Variants in GFM1 observed in about 807,000 individuals in gnomAD.
GFM1 encodes G elongation factor mitochondrial 1.
A neutral mutation model predicts 96.2 loss-of-function variants in GFM1; 62 were observed. The observed-to-expected ratio is 0.64, with a 90% CI of 0.53 to 0.80. GFM1 has a LOEUF of 0.80. GFM1 is among the 30% of genes least tolerant of loss of function. The pLI, the probability that GFM1 is intolerant of heterozygous loss-of-function variation, is 0.00. For missense variants in GFM1, 852 were observed against 916.6 expected (o/e 0.93, Z 0.91); for synonymous variants, 282 against 312.9 (o/e 0.90, Z 1.04).
chr3:158,655,866 G>A (rs772617115), intron 8 of GFM1: 34 of 457,182 alleles, frequency 7.4e-5, no homozygotes, highest in Non-Finnish European at 1.8e-5. Flanking sequence ...CCCATCCAGA[G>A]GACCACGTTA....
In GFM1 at chr3:158,646,853, C is replaced by A; in HGVS notation, c.478C>A (p.Arg160Ser). The A allele has an allele frequency of 6.2e-7, 1 of 1,614,006 alleles. No individual in the cohort carries two copies. The highest frequency in any genetic ancestry group is 8.5e-7 in the Non-Finnish European group (1 of 1,179,956). The change falls in exon 4 of 18, where the codon CGT becomes AGT. Residue 160 changes from arginine (R) to serine (S), a missense_variant. Arg to Ser is a moderately radical substitution (Grantham distance 110, BLOSUM62 -1). Coordinates refer to ENST00000486715, the MANE Select transcript of GFM1 (RefSeq NM_024996.7). ...GVQCQTMTVN[R>S]QMKRYNVPFL... ...ACAGTGCCAGACCATGACTGTCAAT[C>A]GTCAGATGAAGCGCTACAACGTTCC...
chr3:158,665,830 A>C (rs1471188696), intron 12 of GFM1, among the ~76,000 whole-genome samples: 1 of 152,148 alleles, frequency 6.6e-6, no homozygotes, highest in Non-Finnish European at 1.5e-5. Context: ...ATTTCTTCTC[A>C]AGTCATTACT....
intron 4 of GFM1, 91 bp downstream of exon 4, chr3:158,647,038 T>G: frequency 9.9e-7 from 1 of 1,011,816 alleles, no homozygotes; most frequent in Non-Finnish European, 1.5e-6. Flanking sequence ...GTCATTAAAC[T>G]TTATTCTTAA....
intron 5 of GFM1, chr3:158,649,777 C>T: frequency 2.0e-6 from 1 of 505,684 alleles, no homozygotes; most frequent in South Asian, 3.2e-5. Context: ...CATAACAATC[C>T]CCTGGAGACT....
At position 158,694,843 on chromosome 3, in the gene GFM1, A is replaced by G. The variant is rs1019193573; in HGVS notation, c.*3376A>G. ...AATAAAATAAAATGGAATGTAGACAAAATCCCTGGTATTATTTTATATGTC... is the reference window on the plus strand; with the variant it reads ...AATAAAATAAAATGGAATGTAGACAGAATCCCTGGTATTATTTTATATGTC... On this transcript the variant is annotated 3_prime_UTR_variant, in exon 18 of 18. Coordinates refer to ENST00000486715, the MANE Select transcript of GFM1 (RefSeq NM_024996.7). Among the ~76,000 whole-genome samples the G allele has an allele frequency of 4.6e-5, 7 of 152,110 alleles. No homozygotes were observed. The highest frequency in any genetic ancestry group is 1.5e-4 in the African/African-American group (6 of 41,320).
intron 13 of GFM1, chr3:158,669,752 T>A: frequency 1.3e-6 from 1 of 742,070 alleles, no homozygotes; most frequent in Non-Finnish European, 2.2e-6. Context: ...CAGAGGTATC[T>A]AATTGGGCCT....
intron 10 of GFM1, 78 bp from the exon 11 acceptor site, chr3:158,662,550 C>A (rs1220951650): frequency 7.4e-6 from 6 of 814,986 alleles, no homozygotes; most frequent in Non-Finnish European, 1.3e-5. Flanking sequence ...TGTAAAGTGG[C>A]ACATTAAAAT....
At chr3:158,664,558 C>A (rs933237860) in intron 11 of GFM1, among the ~76,000 whole-genome samples, 8 of 152,154 alleles carry the variant, frequency 5.3e-5, no homozygotes, top group Non-Finnish European at 1.0e-4. Flanking sequence ...CTGGTTAAGT[C>A]CCTTTCTTGC....
chr3:158,648,893 C>T (rs1006393668), intron 4 of GFM1, 148 bp from the exon 5 acceptor site: 27 of 599,388 alleles, frequency 4.5e-5, no homozygotes, highest in Non-Finnish European at 6.7e-5. Flanking sequence ...CTGTTCCCAG[C>T]TGCTTTATAT....
rs1726412672 is a variant in GFM1 at position 158,692,783 on chromosome 3, C to T, written c.*1316C>T. 6.6e-6 allele frequency among the ~76,000 whole-genome samples: 1 copy of T among 151,826 alleles called. No homozygotes were observed. On this transcript the variant is annotated 3_prime_UTR_variant, in exon 18 of 18. Transcript: ENST00000486715. ...CTCTGCTCACTACAACCTCTGCTTC[C>T]TGGGTTCAAGCAATTATCCCATCTC...
Position 158,646,230 on chromosome 3 carries a change from C to G in GFM1, c.300C>G (p.Ile100Met), listed in dbSNP as rs1399036958. The G allele has an allele frequency of 6.2e-7, 1 of 1,613,668 alleles. No homozygotes were observed. Among genetic ancestry groups the G allele is most frequent in the Non-Finnish European group, 8.5e-7 (1 of 1,179,560 alleles). The stretch of plus-strand genomic sequence containing the variant: ...TGGAACTAGAGAGACAAAGAGGAAT[C>G]ACTATTCAGTCAGCAGCCACTTACA... The part of the protein sequence containing the change: ...DSMELERQRG[I>M]TIQSAATYTM... The change falls in exon 3 of 18, where the codon ATC becomes ATG. Residue 100 changes from isoleucine to methionine, a missense_variant. Ile to Met is a conservative substitution (Grantham distance 10). Coordinates refer to ENST00000486715, the MANE Select transcript of GFM1 (RefSeq NM_024996.7).
rs911565298 is a variant in GFM1, at chr3:158,647,376, C to T, written c.572+429C>T. ...GAGATGAGATTTTCTTGTTTTCAGACGGAAACATATTTTCTAGGACAACAG... is the reference window on the plus strand; with the variant it reads ...GAGATGAGATTTTCTTGTTTTCAGATGGAAACATATTTTCTAGGACAACAG... On this transcript the variant is annotated intron_variant, in intron 4 of 17. Coordinates refer to ENST00000486715, the MANE Select transcript of GFM1 (RefSeq NM_024996.7). 3.9e-4 allele frequency among the ~76,000 whole-genome samples: 60 copies of T among 152,142 alleles called. 1 individual carries two copies. Among genetic ancestry groups the T allele is most frequent in the African/African-American group, 8.0e-4 (33 of 41,418 alleles).
intron 8 of GFM1, chr3:158,656,135 G>T: frequency 6.1e-6 from 1 of 165,186 alleles, no homozygotes. Flanking sequence ...ATTTATCATT[G>T]TTTTTGTTTT....
rs1723300249 is a variant in GFM1 at position 158,662,798 on chromosome 3, T to C, written c.1380+114T>C. Reference sequence around the variant, plus strand: ...TAACCAGCAGTCTTATGGTCTCTATTTCCTCTGTTGGTATTGAGATCTTCT... The same window carrying C: ...TAACCAGCAGTCTTATGGTCTCTATCTCCTCTGTTGGTATTGAGATCTTCT... On this transcript the variant is annotated intron_variant, in intron 11 of 17. Coordinates refer to ENST00000486715, the MANE Select transcript of GFM1 (RefSeq NM_024996.7). The C allele has an allele frequency of 4.0e-6, 3 of 753,714 alleles. No homozygotes were observed. The East Asian group carries it at 7.4e-5, about 19-fold the overall frequency. The allele number at this position is 753,714 out of a possible 1,614,324, so 46.7% of individuals were successfully genotyped here.
chr3:158,682,638 G>C (rs1725499111), intron 14 of GFM1, among the ~76,000 whole-genome samples: 1 of 152,184 alleles, frequency 6.6e-6, no homozygotes, highest in Non-Finnish European at 1.5e-5. Context: ...TCACAAAATT[G>C]AGGATCAGAT....
At chr3:158,646,055 T>A in intron 2 of GFM1, 110 bp from the exon 3 acceptor site, 1 of 1,342,350 alleles carries the variant, frequency 7.4e-7, no homozygotes, top group Non-Finnish European at 1.1e-6. Flanking sequence ...AGTGCTGGGA[T>A]TATAGGCATG....
chr3:158,660,756 G>C, intron 9 of GFM1, 118 bp from the exon 10 acceptor site: 2 of 824,212 alleles, frequency 2.4e-6, no homozygotes, highest in Middle Eastern at 6.8e-4. Flanking sequence ...AATTCAAGCA[G>C]AGAGATTCTG....
At chr3:158,651,920 A>G (rs542440709) in intron 5 of GFM1, among the ~76,000 whole-genome samples, 176 bp from the exon 6 acceptor site, 2 of 152,226 alleles carry the variant, frequency 1.3e-5, no homozygotes, top group South Asian at 2.1e-4. Context: ...ATATTTATCT[A>G]CTATTCTGTG....
intron 16 of GFM1, among the ~76,000 whole-genome samples, chr3:158,690,765 C>T (rs1239298907): frequency 6.6e-6 from 1 of 152,162 alleles, no homozygotes; most frequent in East Asian, 1.9e-4. Context: ...TCCTGGAAAA[C>T]ACTACTCTCA....
Sources: gnomAD v4.1 joint callset for allele counts (sites outside exome capture counted in the v4.1 genomes callset) on GRCh38, gnomAD v4.1.1 for gene constraint, MANE v1.5 for transcripts, NCBI Gene and HGNC (gene_info 2026-07-23, HGNC 2026-07-21) for gene names.